PRDM16: variants seen among roughly 807,000 people sequenced by gnomAD.
The protein encoded by PRDM16 is histone-lysine N-methyltransferase PRDM16.
In PRDM16, 23 loss-of-function variants were observed where a neutral mutation model predicts 110.6. The ratio of observed to expected loss-of-function variants is 0.21; its 90% CI spans 0.15 to 0.29. The LOEUF (loss-of-function observed/expected upper bound fraction) is 0.29, where lower values mean the gene tolerates loss of function less well. Ranked by LOEUF, PRDM16 falls within the 10% of genes least tolerant of loss-of-function variation. The probability of loss-of-function intolerance (pLI) is 1.00; values close to 1 mark genes in which losing one functional copy is unlikely to be tolerated. For synonymous variants in PRDM16, 799 were observed against 781.8 expected, an observed-to-expected ratio of 1.02 and a Z score of -0.37; for missense variants, 1,615 against 1,794.3, an observed-to-expected ratio of 0.90 and a Z score of 1.81.
At chr1:3,188,935 C>T (rs1381497940) in intron 2 of PRDM16, among the ~76,000 whole-genome samples, 7 of 152,180 alleles carry the variant, frequency 4.6e-5, no homozygotes, top group African/African-American at 1.7e-4. Flanking sequence ...TCAGTTGGGG[C>T]CTTTGGGCAG....
chr1:3,329,461 G>A (rs1378797061), intron 3 of PRDM16, among the ~76,000 whole-genome samples: 2 of 152,136 alleles, frequency 1.3e-5, no homozygotes, highest in East Asian at 1.9e-4. Context: ...GGCCCAAGCT[G>A]TCTCCCAGGC....
intron 2 of PRDM16, among the ~76,000 whole-genome samples, chr1:3,238,913 TG>T (rs1446938583): frequency 6.6e-6 from 1 of 151,966 alleles, no homozygotes; most frequent in Non-Finnish European, 1.5e-5. Context: ...CTGCAGCCCC[TG>T]TTTCCCGTCT....
At position 3,175,059 on chromosome 1, in the gene PRDM16, A is replaced by G. The variant is rs534772551; in HGVS notation, c.38-11066A>G. 2.2e-4 allele frequency among the ~76,000 whole-genome samples: 34 copies of G among 152,312 alleles called. No homozygotes were observed. The highest frequency in any genetic ancestry group is 7.9e-4 in the African/African-American group (33 of 41,568). ...TGGTCAGAAGGTGGGACCAGCGGCC[A>G]AGGCTCCTCCTAGCACCATTTCCTG... On this transcript the variant is annotated intron_variant, in intron 1 of 16. Coordinates refer to ENST00000270722, the MANE Select transcript of PRDM16 (RefSeq NM_022114.4). The surrounding 1 kb of genome is among the most constrained non-coding windows in gnomAD (Gnocchi z 4.8).
At chr1:3,116,230 G>A (rs1642956027) in intron 1 of PRDM16, among the ~76,000 whole-genome samples, 2 of 152,120 alleles carry the variant, frequency 1.3e-5, no homozygotes, top group Admixed American at 1.3e-4. Flanking sequence ...AGACCCCATG[G>A]CACCCGTGTC....
intron 1 of PRDM16, among the ~76,000 whole-genome samples, chr1:3,116,367 C>T (rs550373970): frequency 1.3e-4 from 20 of 152,196 alleles, no homozygotes; most frequent in South Asian, 2.1e-4. Context: ...GGGCCAATGA[C>T]GGGGGGGACG....
At chr1:3,340,085 T>G (rs1483015909) in intron 3 of PRDM16, among the ~76,000 whole-genome samples, 1 of 152,190 alleles carries the variant, frequency 6.6e-6, no homozygotes, top group Non-Finnish European at 1.5e-5. Flanking sequence ...GTCCATCCTC[T>G]GGAATCTGCT....
chr1:3,272,679 T>G (rs1339587699), intron 3 of PRDM16, among the ~76,000 whole-genome samples: 2 of 152,190 alleles, frequency 1.3e-5, no homozygotes, highest in African/African-American at 4.8e-5. Context: ...TTCAGGAAGA[T>G]TCGAAAGTTC....
intron 4 of PRDM16, among the ~76,000 whole-genome samples, chr1:3,395,091 A>G (rs1420227505): frequency 6.6e-6 from 1 of 152,240 alleles, no homozygotes; most frequent in Non-Finnish European, 1.5e-5. Context: ...CATTACCGTC[A>G]CGCTGTGACT....
chr1:3,369,453 GGA>G (rs1474846274), intron 3 of PRDM16, among the ~76,000 whole-genome samples: 1 of 152,234 alleles, frequency 6.6e-6, no homozygotes, highest in Non-Finnish European at 1.5e-5. Flanking sequence ...CATCCAGGAA[GGA>G]GCCTGTGTCA....
intron 2 of PRDM16, among the ~76,000 whole-genome samples, chr1:3,211,510 G>A (rs1638881918): frequency 6.6e-6 from 1 of 152,230 alleles, no homozygotes; most frequent in African/African-American, 2.4e-5. Flanking sequence ...GCCCGTCGGG[G>A]GCTGCAGCAG....
At chr1:3,293,931 TGTGA>T (rs1641032391) in intron 3 of PRDM16, among the ~76,000 whole-genome samples, 1 of 152,132 alleles carries the variant, frequency 6.6e-6, no homozygotes, top group South Asian at 2.1e-4. Flanking sequence ...GCCGGCAGTG[TGTGA>T]GTGCGTGCGT....
chr1:3,400,236 G>A (rs181391560), intron 5 of PRDM16, among the ~76,000 whole-genome samples: 42 of 152,324 alleles, frequency 2.8e-4, no homozygotes, highest in East Asian at 2.1e-3. Context: ...GTTCTGAAGC[G>A]GGCATGCGAA....
intron 3 of PRDM16, chr1:3,308,614 C>T (rs1356042614): frequency 6.6e-6 from 1 of 152,242 alleles, no homozygotes; most frequent in Non-Finnish European, 1.5e-5. Flanking sequence ...AATGCGTTTC[C>T]TCGTGCCTGG....
Position 3,391,165 on chromosome 1 carries a change from T to C in PRDM16, c.574-5326T>C, listed in dbSNP as rs140567386. On this transcript the variant is annotated intron_variant, in intron 4 of 16. Coordinates refer to ENST00000270722, the MANE Select transcript of PRDM16 (RefSeq NM_022114.4). ...CACAATTTTTTTAAATTAAAAATCA[T>C]AGATTGTTAATTTGGTTAAGGCAGG... Among the ~76,000 whole-genome samples the C allele has an allele frequency of 1.5e-3, 222 of 152,260 alleles. 1 individual carries two copies. The highest frequency in any genetic ancestry group is 5.4e-3 in the East Asian group (28 of 5,180).
chr1:3,163,934 C>T (rs79135020), intron 1 of PRDM16, among the ~76,000 whole-genome samples: 10,636 of 152,288 alleles, frequency 0.07, 628 homozygotes, highest in East Asian at 0.3. Flanking sequence ...GATAACCTCA[C>T]TTCATCTCCC....
chr1:3,214,795 C>T (rs954870669), intron 2 of PRDM16, among the ~76,000 whole-genome samples: 1 of 152,172 alleles, frequency 6.6e-6, no homozygotes, highest in Non-Finnish European at 1.5e-5. Flanking sequence ...CCACATCAGA[C>T]GAGATACCAA....
intron 1 of PRDM16, among the ~76,000 whole-genome samples, chr1:3,173,984 G>A (rs1644058087): frequency 6.6e-6 from 1 of 152,142 alleles, no homozygotes; most frequent in South Asian, 2.1e-4. Flanking sequence ...TTTGGTCTTT[G>A]TGTGAGTGTC....
chr1:3,253,028 C>T (rs1180688864), intron 3 of PRDM16, among the ~76,000 whole-genome samples: 2 of 151,938 alleles, frequency 1.3e-5, no homozygotes, highest in African/African-American at 2.4e-5. Context: ...CTCGAGCCTG[C>T]GCGCTGCTGC....
intron 2 of PRDM16, among the ~76,000 whole-genome samples, chr1:3,241,797 C>T (rs1215619698): frequency 2.6e-5 from 4 of 152,228 alleles, no homozygotes; most frequent in African/African-American, 9.6e-5. Flanking sequence ...CAGCTGGCCA[C>T]AGCAGGAACG....
Sources: gnomAD v4.1 joint callset for allele counts (sites outside exome capture counted in the v4.1 genomes callset) on GRCh38, gnomAD v4.1.1 for gene constraint, Gnocchi (gnomAD v3.1) non-coding constraint, MANE v1.5 for transcripts, NCBI Gene and HGNC (gene_info 2026-07-23, HGNC 2026-07-21) for gene names.